SPTBN1: variants seen among roughly 807,000 people sequenced by gnomAD.
SPTBN1 encodes the protein spectrin beta chain, non-erythrocytic 1.
Under a neutral mutation model 266.4 loss-of-function variants are expected in SPTBN1, and 32 were observed. The ratio of observed to expected loss-of-function variants is 0.12; its 90% CI spans 0.09 to 0.16. SPTBN1 has a LOEUF of 0.16. Ranked by LOEUF, SPTBN1 falls within the 10% of genes least tolerant of loss-of-function variation. SPTBN1 has a pLI of 1.00. For missense variants in SPTBN1, 2,296 were observed against 3,067.1 expected (o/e 0.75, Z 5.94); for synonymous variants, 1,336 against 1,162.2 (o/e 1.15, Z -3.04).
At chr2:54,478,910 A>G (rs911200912) in intron 1 of SPTBN1, among the ~76,000 whole-genome samples, 1 of 136,720 alleles carries the variant, frequency 7.3e-6, no homozygotes, top group South Asian at 2.4e-4. Flanking sequence ...GTGTATATAT[A>G]TGTGTATATA....
chr2:54,638,954 C>T (rs1198196156), intron 18 of SPTBN1, among the ~76,000 whole-genome samples: 1 of 152,206 alleles, frequency 6.6e-6, no homozygotes, highest in African/African-American at 2.4e-5. Flanking sequence ...TGCTGTCTTA[C>T]TGTAAATCTT....
intron 1 of SPTBN1, among the ~76,000 whole-genome samples, chr2:54,486,261 G>A (rs952827687): frequency 1.3e-5 from 2 of 152,106 alleles, no homozygotes; most frequent in African/African-American, 2.4e-5. Flanking sequence ...TGACAATGGC[G>A]GTTTTGTGGA....
intron 2 of SPTBN1, among the ~76,000 whole-genome samples, chr2:54,582,848 C>T: frequency 6.6e-6 from 1 of 152,234 alleles, no homozygotes; most frequent in Admixed American, 6.5e-5. Flanking sequence ...TGCTTCGTGA[C>T]TGTGGGCAAA....
Position 54,645,819 on chromosome 2 carries a change from C to A in SPTBN1, c.4495-109C>A. The A allele has an allele frequency of 1.7e-6, 2 of 1,211,340 alleles. No homozygotes were observed. The highest frequency in any genetic ancestry group is 2.4e-6 in the Non-Finnish European group (2 of 840,348). The allele number at this position is 1,211,340 out of a possible 1,614,324, so 75.0% of individuals were successfully genotyped here. A position where few individuals can be genotyped will look rare whatever the true frequency, so the allele number is the denominator to read the frequency against. ...AGACAGCCCTCCCGAGGGGGCTGAG[C>A]ACTCTCTGAAGCTCACCCTTGCTGT... On this transcript the variant is annotated intron_variant, in intron 21 of 35. Coordinates refer to ENST00000356805, the MANE Select transcript of SPTBN1 (RefSeq NM_003128.3). The surrounding 1 kb of genome is among the most constrained non-coding windows in gnomAD (Gnocchi z 4.3).
intron 1 of SPTBN1, among the ~76,000 whole-genome samples, chr2:54,482,306 G>C (rs1331199974): frequency 2.7e-5 from 4 of 149,698 alleles, no homozygotes; most frequent in Non-Finnish European, 5.9e-5. Context: ...CTTGAGTCCA[G>C]AAGTTCAAGA....
At chr2:54,584,182 C>G (rs1465642313) in intron 2 of SPTBN1, among the ~76,000 whole-genome samples, 2 of 152,180 alleles carry the variant, frequency 1.3e-5, no homozygotes, top group Non-Finnish European at 2.9e-5. Context: ...TATATGGCCA[C>G]TTTCCGAAGC....
In SPTBN1 at chr2:54,646,501, G is replaced by A; in HGVS notation, c.4866+26G>A. 6.8e-7 allele frequency: 1 copy of A among 1,471,976 alleles called. No individual in the cohort carries two copies. Among genetic ancestry groups the A allele is most frequent in the Non-Finnish European group, 9.0e-7 (1 of 1,112,382 alleles). 91.2% of individuals were successfully genotyped at this position (1,471,976 alleles called of 1,614,324 possible). A position where few individuals can be genotyped will look rare whatever the true frequency, so the allele number is the denominator to read the frequency against. ...GTGAGAGGAGGCGGGAAGCATCCCT[G>A]TCCCAGGAGAGCCTCAGATTCAAAC... On this transcript the variant is annotated intron_variant, in intron 23 of 35. Coordinates refer to ENST00000356805, the MANE Select transcript of SPTBN1 (RefSeq NM_003128.3). The surrounding 1 kb of genome is among the most constrained non-coding windows in gnomAD (Gnocchi z 4.4).
chr2:54,539,658 G>C (rs2104390774), intron 2 of SPTBN1, among the ~76,000 whole-genome samples: 1 of 152,218 alleles, frequency 6.6e-6, no homozygotes, highest in Admixed American at 6.5e-5. Context: ...TCCCACCTCA[G>C]CCTCATAAGT....
rs944351700 is a variant in SPTBN1 at position 54,637,811 on chromosome 2, A to T, written c.3858+8A>T. On this transcript the variant is annotated splice_region_variant and intron_variant, in intron 18 of 35. Coordinates refer to ENST00000356805, the MANE Select transcript of SPTBN1 (RefSeq NM_003128.3). ...CTGCAAGATTGTCAAGAGGTATGTTACTCTTTAATCCCTCTATTCCTGTGT... is the reference window on the plus strand; with the variant it reads ...CTGCAAGATTGTCAAGAGGTATGTTTCTCTTTAATCCCTCTATTCCTGTGT... 3.7e-6 allele frequency: 6 copies of T among 1,608,536 alleles called. No individual in the cohort carries two copies. The highest frequency in any genetic ancestry group is 5.1e-6 in the Non-Finnish European group (6 of 1,175,296).
chr2:54,504,538 T>G (rs553649545), intron 1 of SPTBN1, among the ~76,000 whole-genome samples: 1 of 152,330 alleles, frequency 6.6e-6, no homozygotes, highest in East Asian at 1.9e-4. Context: ...GAGAACTGCA[T>G]TGAATCCATG....
intron 2 of SPTBN1, among the ~76,000 whole-genome samples, chr2:54,552,401 G>T (rs1442593170): frequency 1.3e-5 from 2 of 151,800 alleles, no homozygotes; most frequent in African/African-American, 4.8e-5. Flanking sequence ...CAACTTTTTA[G>T]GCACAGAGAA....
At chr2:54,515,279 C>A (rs1573311786) in intron 1 of SPTBN1, among the ~76,000 whole-genome samples, 1 of 152,066 alleles carries the variant, frequency 6.6e-6, no homozygotes, top group South Asian at 2.1e-4. Context: ...CTCCAGTCCC[C>A]AAATTCTTGG....
chr2:54,501,989 G>A (rs1251464744), intron 1 of SPTBN1, among the ~76,000 whole-genome samples: 1 of 152,246 alleles, frequency 6.6e-6, no homozygotes, highest in Non-Finnish European at 1.5e-5. Flanking sequence ...GCTAAAGCAA[G>A]ACTAGATTAA....
Position 54,649,532 on chromosome 2 carries a change from T to A in SPTBN1, c.5203-83T>A. 6.6e-7 allele frequency: 1 copy of A among 1,526,434 alleles called. No homozygotes were observed. The highest frequency in any genetic ancestry group is 8.8e-7 in the Non-Finnish European group (1 of 1,134,800). 94.6% of individuals were successfully genotyped at this position (1,526,434 alleles called of 1,614,324 possible). ...TGGCTACATCTTGCTTAGAGGCAGT[T>A]TCTTTCCAAAGGGTATTCATGTGAT... is the stretch of plus-strand genomic sequence containing the variant. On this transcript the variant is annotated intron_variant, in intron 25 of 35. Coordinates refer to ENST00000356805, the MANE Select transcript of SPTBN1 (RefSeq NM_003128.3). The surrounding 1 kb of genome is among the most constrained non-coding windows in gnomAD (Gnocchi z 6.7).
chr2:54,467,677 G>A (rs890860661), intron 1 of SPTBN1, among the ~76,000 whole-genome samples: 2 of 152,040 alleles, frequency 1.3e-5, no homozygotes, highest in Admixed American at 6.6e-5. Flanking sequence ...GAGCCACCGC[G>A]CCTGGCCAGG....
rs556720405 is a variant in SPTBN1 at position 54,582,069 on chromosome 2, A to G, written c.149-17023A>G. ...AAAAAATACATCTGGAAGTCTGGTT[A>G]TGTGTAACTTGAACTTGCTCAAAGC... is the stretch of plus-strand genomic sequence containing the variant. On this transcript the variant is annotated intron_variant, in intron 2 of 35. Transcript: ENST00000356805. Among the ~76,000 whole-genome samples, 5 of 152,322 alleles carry G rather than the reference A, an allele frequency of 3.3e-5. No individual in the cohort carries two copies. The East Asian group carries it at 9.6e-4, about 29-fold the overall frequency.
chr2:54,469,554 G>A (rs1377866800), intron 1 of SPTBN1, among the ~76,000 whole-genome samples: 1 of 152,192 alleles, frequency 6.6e-6, no homozygotes, highest in East Asian at 1.9e-4. Flanking sequence ...GATGGTTACT[G>A]TGCCTGAGCT....
chr2:54,476,421 G>C (rs970664378), intron 1 of SPTBN1, among the ~76,000 whole-genome samples: 2 of 152,214 alleles, frequency 1.3e-5, no homozygotes, highest in Admixed American at 1.3e-4. Flanking sequence ...TGAAGCACCA[G>C]TTTTGCAGTA....
intron 2 of SPTBN1, among the ~76,000 whole-genome samples, chr2:54,579,213 C>T (rs1674702974): frequency 6.6e-6 from 1 of 152,088 alleles, no homozygotes; most frequent in Non-Finnish European, 1.5e-5. Flanking sequence ...TTGCAGTGTT[C>T]TTAGCTCATA....
Sources: allele counts gnomAD v4.1 joint callset (sites outside exome capture counted in the v4.1 genomes callset), GRCh38; gene constraint gnomAD v4.1.1; non-coding constraint Gnocchi (gnomAD v3.1); transcripts MANE v1.5; gene names NCBI Gene and HGNC (gene_info 2026-07-23, HGNC 2026-07-21).